The following BMPR1B variants were observed in gnomAD, a reference collection of about 807,000 sequenced individuals.
BMPR1B encodes bone morphogenetic protein receptor type 1B.
BMPR1B carries 12 observed loss-of-function variants against 59.1 expected under a neutral mutation model. The observed-to-expected ratio is 0.20, with a 90% CI of 0.13 to 0.33. The LOEUF (loss-of-function observed/expected upper bound fraction) is 0.33. BMPR1B is among the 10% of genes least tolerant of loss of function. The pLI is 1.00. For missense variants in BMPR1B, 550 were observed against 610.9 expected (o/e 0.90, Z 1.05); for synonymous variants, 237 against 207.3 (o/e 1.14, Z -1.23).
intron 1 of BMPR1B, among the ~76,000 whole-genome samples, chr4:94,787,351 A>G (rs1393985088): frequency 6.6e-6 from 1 of 152,284 alleles, no homozygotes; most frequent in Non-Finnish European, 1.5e-5. Context: ...GGCTTATTAA[A>G]TATTTTAAGC....
chr4:95,152,615 A>C, intron 11 of BMPR1B, 28 bp from the exon 12 acceptor site: 1 of 1,478,636 alleles, frequency 6.8e-7, no homozygotes, highest in South Asian at 1.3e-5. Context: ...TAATAATAAT[A>C]ATAATAATAG....
At chr4:94,984,292 G>A (rs1441592781) in intron 2 of BMPR1B, among the ~76,000 whole-genome samples, 1 of 152,150 alleles carries the variant, frequency 6.6e-6, no homozygotes, top group Admixed American at 6.5e-5. Flanking sequence ...GCATTTTCCA[G>A]TAACACCTGA....
intron 2 of BMPR1B, among the ~76,000 whole-genome samples, chr4:94,973,409 G>A (rs1730889552): frequency 6.6e-6 from 1 of 152,184 alleles, no homozygotes; most frequent in African/African-American, 2.4e-5. Context: ...GGCTGTCAGT[G>A]GGAAGAGAAG....
chr4:95,045,634 C>A (rs1441134289), intron 3 of BMPR1B, among the ~76,000 whole-genome samples: 3 of 152,150 alleles, frequency 2.0e-5, no homozygotes, highest in African/African-American at 7.2e-5. Context: ...AAATGCCTCC[C>A]CCACGCAAGT....
intron 3 of BMPR1B, chr4:95,051,563 G>C (rs776930327): frequency 1.4e-6 from 1 of 720,982 alleles, no homozygotes; most frequent in Non-Finnish European, 2.3e-6. Flanking sequence ...TGTCTTTCAC[G>C]GTCCTGTCTC....
intron 3 of BMPR1B, among the ~76,000 whole-genome samples, chr4:95,043,172 A>T (rs1214299264): frequency 2.2e-4 from 23 of 105,310 alleles, no homozygotes; most frequent in African/African-American, 8.3e-4. Context: ...ACAGAGCGAG[A>T]CTCCGTCTCA....
chr4:95,080,959 C>A (rs1000719523), intron 3 of BMPR1B, among the ~76,000 whole-genome samples: 2 of 152,026 alleles, frequency 1.3e-5, no homozygotes, highest in Non-Finnish European at 2.9e-5. Context: ...ATGTCTCCAC[C>A]CAAATCTCAT....
rs556088191 is a variant in BMPR1B, at chr4:95,048,101, A to C, written c.-18+51967A>C. On this transcript the variant is annotated intron_variant, in intron 3 of 12. Transcript: ENST00000515059. ...TAATCTGCTTAGGATAATGCCCTCC[A>C]GCTGCATCAATGTTGCTATGGTTTC... 1.8e-3 allele frequency among the ~76,000 whole-genome samples: 271 copies of C among 152,290 alleles called. 1 individual carries two copies. The highest frequency in any genetic ancestry group is 6.4e-3 in the African/African-American group (264 of 41,552).
At chr4:95,059,721 A>G (rs748680363) in intron 3 of BMPR1B, among the ~76,000 whole-genome samples, 1 of 152,078 alleles carries the variant, frequency 6.6e-6, no homozygotes, top group Non-Finnish European at 1.5e-5. Context: ...TCTCTTTCTT[A>G]TGCTCAATTT....
At chr4:94,968,650 C>T (rs1344340894) in intron 2 of BMPR1B, among the ~76,000 whole-genome samples, 2 of 152,144 alleles carry the variant, frequency 1.3e-5, no homozygotes, top group African/African-American at 2.4e-5. Flanking sequence ...GGCAGGAACA[C>T]AGCCTCTGTG....
chr4:95,105,527 A>G (rs1226830099), intron 4 of BMPR1B, among the ~76,000 whole-genome samples: 2 of 151,830 alleles, frequency 1.3e-5, no homozygotes, highest in African/African-American at 2.4e-5. Flanking sequence ...TAAGTTTCCC[A>G]TGAAGCAAAA....
At chr4:95,012,451 AATT>A (rs556341004) in intron 3 of BMPR1B, among the ~76,000 whole-genome samples, 19 of 152,196 alleles carry the variant, frequency 1.2e-4, no homozygotes, top group Admixed American at 1.2e-3. Context: ...ACAGTTTGTG[AATT>A]ATTATTTCAA....
Position 95,156,475 on chromosome 4 carries a change from T to C in BMPR1B, c.*1802T>C, listed in dbSNP as rs906267427. 1 of 152,130 alleles carries C rather than the reference T, an allele frequency of 6.6e-6. No homozygotes were observed. Among genetic ancestry groups the C allele is most frequent in the Non-Finnish European group, 1.5e-5 (1 of 68,002 alleles). The allele number at this position is 152,130 out of a possible 1,614,324, so 9.4% of individuals were successfully genotyped here. On this transcript the variant is annotated 3_prime_UTR_variant, in exon 13 of 13. Coordinates refer to ENST00000515059, the MANE Select transcript of BMPR1B (RefSeq NM_001203.3). The stretch of plus-strand genomic sequence containing the variant: ...ACATTTTCCTCACTTCTGAAGTCGG[T>C]TTGCAGCTGGTAACTTGTTCATCCA...
intron 3 of BMPR1B, among the ~76,000 whole-genome samples, chr4:95,005,670 T>C (rs1191543805): frequency 1.3e-5 from 2 of 152,186 alleles, no homozygotes; most frequent in Non-Finnish European, 1.5e-5. Context: ...TTCATAAATG[T>C]CAGTTGCATC....
chr4:95,142,369 T>A (rs3821965), intron 10 of BMPR1B, among the ~76,000 whole-genome samples: 15,785 of 152,154 alleles, frequency 0.1, 2,011 homozygotes, highest in African/African-American at 0.3. Flanking sequence ...GTAGTATATG[T>A]AATGGGTAGT....
chr4:94,943,373 C>T (rs1159783680), intron 2 of BMPR1B, among the ~76,000 whole-genome samples: 3 of 152,138 alleles, frequency 2.0e-5, no homozygotes, highest in Admixed American at 1.3e-4. Flanking sequence ...TCCTGCCCGT[C>T]TCAGCCTCCC....
chr4:94,848,884 A>G (rs1414839392), intron 1 of BMPR1B, among the ~76,000 whole-genome samples: 2 of 152,238 alleles, frequency 1.3e-5, no homozygotes, highest in African/African-American at 2.4e-5. Flanking sequence ...ATCGAGAACA[A>G]TTCCAAGGAT....
chr4:94,829,436 G>T (rs1195271738), intron 1 of BMPR1B, among the ~76,000 whole-genome samples: 2 of 151,712 alleles, frequency 1.3e-5, no homozygotes, highest in Non-Finnish European at 2.9e-5. Context: ...ACTATGCCTG[G>T]ATGATTTTTG....
intron 3 of BMPR1B, among the ~76,000 whole-genome samples, chr4:95,067,478 T>G (rs1218669660): frequency 6.6e-6 from 1 of 152,180 alleles, no homozygotes; most frequent in Non-Finnish European, 1.5e-5. Flanking sequence ...AAACCTATGT[T>G]GAATCTAAAA....
Sources: gnomAD v4.1 joint callset for allele counts (sites outside exome capture counted in the v4.1 genomes callset) on GRCh38, gnomAD v4.1.1 for gene constraint, MANE v1.5 for transcripts, NCBI Gene and HGNC (gene_info 2026-07-23, HGNC 2026-07-21) for gene names.